The following MEGF9 variants were observed in gnomAD, a reference collection of about 807,000 sequenced individuals.
The protein encoded by MEGF9 is multiple epidermal growth factor-like domains protein 9.
A neutral mutation model predicts 46.8 loss-of-function variants in MEGF9; 6 were observed. The observed-to-expected ratio is 0.13, with a 90% confidence interval of 0.07 to 0.25. The LOEUF is 0.25. Ranked by LOEUF, MEGF9 falls within the 10% of genes least tolerant of loss-of-function variation. The pLI is 1.00. For synonymous variants in MEGF9, 302 were observed against 330.7 expected (o/e 0.91, Z 0.94); for missense variants, 683 against 792.4 (o/e 0.86, Z 1.66).
At chr9:120,634,446 CTTTTTTTTTTTTT>C (rs1158273579) in intron 2 of MEGF9, among the ~76,000 whole-genome samples, 24 of 46,926 alleles carry the variant, frequency 5.1e-4, no homozygotes, top group Middle Eastern at 0.017. Context: ...TGTGGAATAT[CTTTTTTTTTTTTT>C]TTTTTTTTTT....
At chr9:120,643,104 C>G (rs1366384587) in intron 2 of MEGF9, among the ~76,000 whole-genome samples, 2 of 152,066 alleles carry the variant, frequency 1.3e-5, no homozygotes, top group Non-Finnish European at 2.9e-5. Context: ...AACTTCAAGT[C>G]CAAGTCTCCC....
intron 2 of MEGF9, among the ~76,000 whole-genome samples, chr9:120,653,917 G>A (rs895793177): frequency 1.3e-5 from 2 of 152,206 alleles, no homozygotes; most frequent in Non-Finnish European, 2.9e-5. Context: ...CAAGTGTAGT[G>A]CCAGAGATAA....
At position 120,659,394 on chromosome 9, in the gene MEGF9, A is replaced by T. The variant is rs981397699; in HGVS notation, c.783T>A (p.Ala261=). ...CQPCDCSPHG[A]LSIPCNSSGK... ...CTTACCTGTTGCACGGTATGCTGAG[A>T]GCTCCATGTGGACTACAGTCACATG... The change falls in exon 2 of 6, where the codon GCT becomes GCA. Residue 261 remains alanine (A), a synonymous_variant. Coordinates refer to ENST00000373930, the MANE Select transcript of MEGF9 (RefSeq NM_001080497.3). The T allele has an allele frequency of 6.2e-7, 1 of 1,613,720 alleles. No individual in the cohort carries two copies. The highest frequency in any genetic ancestry group is 1.3e-5 in the African/African-American group (1 of 74,864).
chr9:120,698,154 A>G (rs940712631), intron 1 of MEGF9, among the ~76,000 whole-genome samples: 2 of 152,232 alleles, frequency 1.3e-5, no homozygotes, highest in African/African-American at 4.8e-5. Context: ...AGTATAAGTT[A>G]TAATAGGTTA....
chr9:120,615,775 T>A (rs984354273), intron 3 of MEGF9, among the ~76,000 whole-genome samples: 3 of 151,624 alleles, frequency 2.0e-5, no homozygotes, highest in African/African-American at 7.3e-5. Flanking sequence ...CATGCCTGAG[T>A]CCCAGCTACT....
At chr9:120,693,937 A>G (rs537770830) in intron 1 of MEGF9, among the ~76,000 whole-genome samples, 1 of 152,148 alleles carries the variant, frequency 6.6e-6, no homozygotes, top group East Asian at 1.9e-4. Flanking sequence ...AAAAAAAAAA[A>G]TAAAGGTAAA....
chr9:120,657,129 A>AGCAG (rs1196136822), intron 2 of MEGF9, among the ~76,000 whole-genome samples: 2 of 152,252 alleles, frequency 1.3e-5, no homozygotes, highest in East Asian at 3.8e-4. Flanking sequence ...ATAGCACAAA[A>AGCAG]GCAGCCATAG....
intron 3 of MEGF9, among the ~76,000 whole-genome samples, chr9:120,615,423 T>C (rs1162135403): frequency 6.6e-6 from 1 of 151,722 alleles, no homozygotes; most frequent in African/African-American, 2.4e-5. Flanking sequence ...TGTTTGTGAC[T>C]ACCACAATAT....
intron 3 of MEGF9, among the ~76,000 whole-genome samples, chr9:120,616,034 C>A (rs2043470885): frequency 6.6e-6 from 1 of 152,108 alleles, no homozygotes; most frequent in Admixed American, 6.5e-5. Flanking sequence ...ATAGGCCAGA[C>A]ATAAATAACC....
chr9:120,703,345 A>C (rs2043913711), intron 1 of MEGF9, among the ~76,000 whole-genome samples: 1 of 152,238 alleles, frequency 6.6e-6, no homozygotes. Context: ...ATAACTGTGA[A>C]CAAAACAAAT....
chr9:120,675,874 C>A (rs150424864), intron 1 of MEGF9, among the ~76,000 whole-genome samples: 2 of 110,468 alleles, frequency 1.8e-5, no homozygotes, highest in African/African-American at 6.8e-5. Flanking sequence ...GCCGACAGAG[C>A]GAGACTCCAT....
Position 120,656,504 on chromosome 9 carries a change from G to C in MEGF9, c.803+2870C>G, listed in dbSNP as rs188525574. ...AGAGCTTGCAGTGAGCCAAGATCGT[G>C]CCACTGCACTCCAGCCTGAGAGACA... On this transcript the variant is annotated intron_variant, in intron 2 of 5. Coordinates refer to ENST00000373930, the MANE Select transcript of MEGF9 (RefSeq NM_001080497.3). Among the ~76,000 whole-genome samples the C allele has an allele frequency of 6.8e-5, 9 of 132,278 alleles. No homozygotes were observed. The East Asian group carries it at 2.1e-3, about 31-fold the overall frequency. 86.8% of individuals were successfully genotyped at this position (132,278 alleles called of 152,430 possible). A position where few individuals can be genotyped will look rare whatever the true frequency, so the allele number is the denominator to read the frequency against.
In MEGF9 at chr9:120,604,168, C is replaced by T. The variant is rs1426300929; in HGVS notation, c.*1022G>A. On this transcript the variant is annotated 3_prime_UTR_variant, in exon 6 of 6. Coordinates refer to ENST00000373930, the MANE Select transcript of MEGF9 (RefSeq NM_001080497.3). ...ATCTATTGCTTGAATCATAGTAAGT[C>T]AAAGAGCATATAACTCTACTTTTAG... The T allele has an allele frequency of 1.3e-5, 2 of 152,508 alleles. No individual in the cohort carries two copies. Among genetic ancestry groups the T allele is most frequent in the East Asian group, 1.9e-4 (1 of 5,198 alleles). The allele number at this position is 152,508 out of a possible 1,614,324, so 9.4% of individuals were successfully genotyped here.
At chr9:120,628,799 T>A (rs953185171) in intron 2 of MEGF9, among the ~76,000 whole-genome samples, 2 of 152,184 alleles carry the variant, frequency 1.3e-5, no homozygotes, top group Non-Finnish European at 2.9e-5. Context: ...TCCAAGGCAG[T>A]TTGCTATGCA....
In MEGF9 at chr9:120,660,054, G is replaced by C. The variant is rs140293468; in HGVS notation, c.602-479C>G. On this transcript the variant is annotated intron_variant, in intron 1 of 5. Coordinates refer to ENST00000373930, the MANE Select transcript of MEGF9 (RefSeq NM_001080497.3). Reference sequence around the variant, plus strand: ...CCCAGGAAGAAATTAATGAAGAATAGAAACTTTAAAGTAAGGAAATGATGA... The same window carrying C: ...CCCAGGAAGAAATTAATGAAGAATACAAACTTTAAAGTAAGGAAATGATGA... Among the ~76,000 whole-genome samples, 353 of 151,366 alleles carry C rather than the reference G, an allele frequency of 2.3e-3. 2 individuals are homozygous for C. Among genetic ancestry groups the C allele is most frequent in the African/African-American group, 8.3e-3 (343 of 41,208 alleles).
intron 1 of MEGF9, among the ~76,000 whole-genome samples, chr9:120,694,697 T>G (rs1361824659): frequency 6.6e-6 from 1 of 152,204 alleles, no homozygotes; most frequent in Non-Finnish European, 1.5e-5. Flanking sequence ...AAGTTTCATG[T>G]TTAGCAGGTA....
At chr9:120,675,907 A>T (rs1303560107) in intron 1 of MEGF9, among the ~76,000 whole-genome samples, 1 of 151,426 alleles carries the variant, frequency 6.6e-6, no homozygotes, top group Non-Finnish European at 1.5e-5. Context: ...AAAAAAAAAA[A>T]AAACAACCTA....
At chr9:120,659,251 T>C (rs1192990734) in intron 2 of MEGF9, 123 bp downstream of exon 2, 6 of 608,488 alleles carry the variant, frequency 9.9e-6, no homozygotes, top group Non-Finnish European at 1.6e-5. Context: ...GTATATAAAA[T>C]ATTTTGTAAA....
At chr9:120,681,282 G>A (rs1366057088) in intron 1 of MEGF9, among the ~76,000 whole-genome samples, 1 of 152,130 alleles carries the variant, frequency 6.6e-6, no homozygotes, top group Non-Finnish European at 1.5e-5. Flanking sequence ...CCTTGAAGGC[G>A]GCAGATTCCC....
Sources: allele counts gnomAD v4.1 joint callset (sites outside exome capture counted in the v4.1 genomes callset), GRCh38; gene constraint gnomAD v4.1.1; transcripts MANE v1.5; gene names NCBI Gene and HGNC (gene_info 2026-07-23, HGNC 2026-07-21).